Variants in HPCAL1 observed in about 807,000 individuals in gnomAD.
The protein encoded by HPCAL1 is hippocalcin-like protein 1.
In HPCAL1, 8 loss-of-function variants were observed where a neutral mutation model predicts 17.1. The observed-to-expected ratio is 0.47, with a 90% CI of 0.27 to 0.84. The LOEUF (loss-of-function observed/expected upper bound fraction) is 0.84, where lower values mean the gene tolerates loss of function less well. HPCAL1 is among the 40% of genes least tolerant of loss of function. The pLI, the probability that HPCAL1 is intolerant of heterozygous loss-of-function variation, is 0.13. For missense variants in HPCAL1, 165 were observed against 271.1 expected (o/e 0.61, Z 2.75); for synonymous variants, 112 against 111.4 (o/e 1.01, Z -0.03).
rs907682243 is a variant in HPCAL1 at position 10,394,771 on chromosome 2, G to A, written c.-110-2064G>A. The stretch of plus-strand genomic sequence containing the variant: ...TGGGAACTTTCTGCTCAATTTTGTT[G>A]GGAAGACCTAAAAAATAAAATCTTT... On this transcript the variant is annotated intron_variant, in intron 1 of 4. Transcript: ENST00000307845. The surrounding 1 kb of genome is among the most constrained non-coding windows in gnomAD (Gnocchi z 5.0). 2.0e-5 allele frequency among the ~76,000 whole-genome samples: 3 copies of A among 151,892 alleles called. No individual in the cohort carries two copies. Among genetic ancestry groups the A allele is most frequent in the African/African-American group, 4.8e-5 (2 of 41,326 alleles).
intron 1 of HPCAL1, among the ~76,000 whole-genome samples, chr2:10,328,516 A>T (rs1346875949): frequency 6.6e-6 from 1 of 152,222 alleles, no homozygotes; most frequent in Admixed American, 6.5e-5. Flanking sequence ...CCAATCATTG[A>T]GAACCCAGCT....
At position 10,394,172 on chromosome 2, in the gene HPCAL1, A is replaced by G. The variant is rs1668868142; in HGVS notation, c.-110-2663A>G. ...TAACTAACCAGAGCAGCTGAAAAGA[A>G]CAGAGCATGGGTTTGGGGATTTGTG... On this transcript the variant is annotated intron_variant, in intron 1 of 4. Coordinates refer to ENST00000307845, the MANE Select transcript of HPCAL1 (RefSeq NM_002149.4). The surrounding 1 kb of genome is among the most constrained non-coding windows in gnomAD (Gnocchi z 5.0). 6.6e-6 allele frequency among the ~76,000 whole-genome samples: 1 copy of G among 152,068 alleles called. No individual in the cohort carries two copies. Among genetic ancestry groups the G allele is most frequent in the African/African-American group, 2.4e-5 (1 of 41,392 alleles).
intron 1 of HPCAL1, among the ~76,000 whole-genome samples, chr2:10,315,102 C>T (rs375772486): frequency 3.3e-4 from 50 of 152,016 alleles, no homozygotes; most frequent in Middle Eastern, 3.4e-3. Context: ...CCATCCTGGC[C>T]AACACGGTGA....
rs1662888471 is a variant in HPCAL1, at chr2:10,310,555, GCCT to G, written c.-111+7380_-111+7382del. On this transcript the variant is annotated intron_variant, in intron 1 of 4. Transcript: ENST00000307845. The surrounding 1 kb of genome is among the most constrained non-coding windows in gnomAD (Gnocchi z 4.5). ...GGAGCTGCCATTTTGGATTGTCCTA[GCCT>G]CATGCCTTCTGAGAAGCATCTGTCA... Among the ~76,000 whole-genome samples the G allele has an allele frequency of 6.6e-6, 1 of 152,112 alleles. No homozygotes were observed. The highest frequency in any genetic ancestry group is 2.4e-5 in the African/African-American group (1 of 41,400).
intron 4 of HPCAL1, 156 bp from the exon 5 acceptor site, chr2:10,426,568 T>G (rs1671419596): frequency 1.5e-6 from 1 of 673,060 alleles, no homozygotes; most frequent in Non-Finnish European, 2.7e-6. Context: ...CAGAAATGCC[T>G]GTAAAGTGAA....
chr2:10,313,974 T>C (rs1192655244), intron 1 of HPCAL1, among the ~76,000 whole-genome samples: 1 of 151,312 alleles, frequency 6.6e-6, no homozygotes, highest in Admixed American at 6.6e-5. Flanking sequence ...CTACTAAAAG[T>C]ATAAAAATTA....
At chr2:10,328,457 C>T (rs1277009558) in intron 1 of HPCAL1, among the ~76,000 whole-genome samples, 2 of 152,242 alleles carry the variant, frequency 1.3e-5, no homozygotes, top group African/African-American at 4.8e-5. Context: ...CTGGAAGAGA[C>T]TGGCACACTG....
intron 1 of HPCAL1, among the ~76,000 whole-genome samples, chr2:10,351,896 C>T (rs1665863259): frequency 1.3e-5 from 2 of 148,732 alleles, no homozygotes; most frequent in Non-Finnish European, 3.0e-5. Context: ...TCCTTCCTTC[C>T]TTCTTTCTTT....
chr2:10,322,038 T>G (rs1663699253), intron 1 of HPCAL1, among the ~76,000 whole-genome samples: 1 of 152,344 alleles, frequency 6.6e-6, no homozygotes, highest in East Asian at 1.9e-4. Flanking sequence ...TTTTATTTTT[T>G]TAGAGACAAG....
intron 1 of HPCAL1, among the ~76,000 whole-genome samples, chr2:10,329,337 C>T (rs1482517761): frequency 2.0e-5 from 3 of 152,216 alleles, no homozygotes; most frequent in African/African-American, 7.2e-5. Flanking sequence ...GGACAGTATC[C>T]TGGATTACCA....
Position 10,331,028 on chromosome 2 carries a change from C to G in HPCAL1, c.-111+27851C>G, listed in dbSNP as rs1664336866. Among the ~76,000 whole-genome samples the G allele has an allele frequency of 6.6e-6, 1 of 152,184 alleles. No homozygotes were observed. The highest frequency in any genetic ancestry group is 6.5e-5 in the Admixed American group (1 of 15,288). ...TCTCCAGTTCTCTGTGTCTTGCCAT[C>G]TTGGCTTCTTCCTCATCCCGCCTCT... On this transcript the variant is annotated intron_variant, in intron 1 of 4. Coordinates refer to ENST00000307845, the MANE Select transcript of HPCAL1 (RefSeq NM_002149.4). This position sits in a 1 kb window ranked among gnomAD's most constrained non-coding sequence, Gnocchi z 5.0.
Position 10,377,519 on chromosome 2 carries a change from G to T in HPCAL1, c.-110-19316G>T, listed in dbSNP as rs1389304385. ...CACACCCCCATCCCTGTCCTTTCACGCACTGTCTGCCCGCACACACTCTTC... is the reference window on the plus strand; with the variant it reads ...CACACCCCCATCCCTGTCCTTTCACTCACTGTCTGCCCGCACACACTCTTC... On this transcript the variant is annotated intron_variant, in intron 1 of 4. Coordinates refer to ENST00000307845, the MANE Select transcript of HPCAL1 (RefSeq NM_002149.4). The surrounding 1 kb of genome is among the most constrained non-coding windows in gnomAD (Gnocchi z 5.9). 6.6e-6 allele frequency among the ~76,000 whole-genome samples: 1 copy of T among 151,940 alleles called. No homozygotes were observed. Among genetic ancestry groups the T allele is most frequent in the Non-Finnish European group, 1.5e-5 (1 of 67,994 alleles).
intron 1 of HPCAL1, among the ~76,000 whole-genome samples, chr2:10,390,947 G>T (rs538417752): frequency 6.6e-6 from 1 of 152,298 alleles, no homozygotes; most frequent in Non-Finnish European, 1.5e-5. Context: ...ATTCCTGAGG[G>T]CCTGGGGTCC....
intron 4 of HPCAL1, chr2:10,424,404 C>CT: frequency 2.3e-6 from 1 of 441,368 alleles, no homozygotes; most frequent in South Asian, 1.6e-5. Flanking sequence ...AGGCTGTCCG[C>CT]TCCTCGTGGG....
intron 2 of HPCAL1, among the ~76,000 whole-genome samples, chr2:10,398,599 C>A (rs942300996): frequency 4.6e-5 from 7 of 152,124 alleles, no homozygotes; most frequent in African/African-American, 1.7e-4. Flanking sequence ...AGACCCCGGG[C>A]GTGGCTGCTT....
intron 1 of HPCAL1, among the ~76,000 whole-genome samples, chr2:10,378,248 T>TCC (rs775950855): frequency 1.8e-5 from 2 of 113,910 alleles, no homozygotes; most frequent in East Asian, 3.4e-4. Context: ...TTTTTTTTTT[T>TCC]ACTGCTTTGA....
At chr2:10,319,221 A>G (rs1331150155) in intron 1 of HPCAL1, among the ~76,000 whole-genome samples, 3 of 152,158 alleles carry the variant, frequency 2.0e-5, no homozygotes, top group Non-Finnish European at 2.9e-5. Context: ...AGCCTTCTGC[A>G]CTTTTCCATC....
At chr2:10,309,359 A>C (rs1662815310) in intron 1 of HPCAL1, among the ~76,000 whole-genome samples, 1 of 152,190 alleles carries the variant, frequency 6.6e-6, no homozygotes, top group South Asian at 2.1e-4. Flanking sequence ...AAATGAAAAA[A>C]CTGAGGAGGC....
rs751422213 is a variant in HPCAL1, at chr2:10,423,087, C to T, written c.483C>T (p.Asp161=). The change falls in exon 4 of 5, where the codon GAC becomes GAT. Residue 161 remains aspartate, a splice_region_variant and synonymous_variant. Coordinates refer to ENST00000307845, the MANE Select transcript of HPCAL1 (RefSeq NM_002149.4). Reference sequence around the variant, plus strand: ...TCAGGCAGATGGACACCAACAATGACGGTAGTGCGGGGTGGGGGCGGGGCT... The same window carrying T: ...TCAGGCAGATGGACACCAACAATGATGGTAGTGCGGGGTGGGGGCGGGGCT... ...KIFRQMDTNN[D]GKLSLEEFIR... The T allele has an allele frequency of 3.3e-5, 52 of 1,592,746 alleles. No individual in the cohort carries two copies. The highest frequency in any genetic ancestry group is 2.3e-4 in the Admixed American group (14 of 59,952).
Sources: allele counts gnomAD v4.1 joint callset (sites outside exome capture counted in the v4.1 genomes callset), GRCh38; gene constraint gnomAD v4.1.1; non-coding constraint Gnocchi (gnomAD v3.1); transcripts MANE v1.5; gene names NCBI Gene and HGNC (gene_info 2026-07-23, HGNC 2026-07-21).